Variants in PPARGC1A observed in about 807,000 individuals in gnomAD.
PPARGC1A encodes the protein peroxisome proliferator-activated receptor gamma coactivator 1-alpha.
Under a neutral mutation model 88.7 loss-of-function variants are expected in PPARGC1A, and 25 were observed. That is an observed-to-expected ratio of 0.28 (90% CI 0.21 to 0.39). The LOEUF (loss-of-function observed/expected upper bound fraction) is 0.39. PPARGC1A is among the 10% of genes least tolerant of loss of function. PPARGC1A has a pLI of 1.00. For missense variants in PPARGC1A, 880 were observed against 968.7 expected (o/e 0.91, Z 1.22); for synonymous variants, 363 against 355.6 (o/e 1.02, Z -0.24).
At chr4:24,360,185 A>G in the PPARGC1A span, among the ~76,000 whole-genome samples, 3 of 152,190 alleles carry the variant, frequency 2.0e-5, no homozygotes, top group Non-Finnish European at 4.4e-5. Flanking sequence ...AAGGCTCCTA[A>G]TGGGTCTCCC....
chr4:24,055,752 T>C, the PPARGC1A span, among the ~76,000 whole-genome samples: 1 of 152,214 alleles, frequency 6.6e-6, no homozygotes, highest in Non-Finnish European at 1.5e-5. Flanking sequence ...GGCCCCTGGA[T>C]TTCCCCTGTT....
chr4:23,985,723 G>A, the PPARGC1A span, among the ~76,000 whole-genome samples: 3 of 152,082 alleles, frequency 2.0e-5, no homozygotes, highest in East Asian at 3.9e-4. Context: ...AGAACATTGA[G>A]ATGTTTCTAT....
At chr4:24,330,627 T>C in the PPARGC1A span, among the ~76,000 whole-genome samples, 2 of 152,134 alleles carry the variant, frequency 1.3e-5, no homozygotes, top group African/African-American at 4.8e-5. Flanking sequence ...AACAAATTAG[T>C]ATTTTAAGCC....
the PPARGC1A span, among the ~76,000 whole-genome samples, chr4:24,038,354 A>C: frequency 6.6e-6 from 1 of 152,138 alleles, no homozygotes; most frequent in Non-Finnish European, 1.5e-5. Context: ...GGTGCATTAG[A>C]GTTTACCTAA....
At chr4:23,978,903 T>G in the PPARGC1A span, among the ~76,000 whole-genome samples, 3 of 152,062 alleles carry the variant, frequency 2.0e-5, no homozygotes, top group African/African-American at 4.8e-5. Flanking sequence ...GATAATAGAA[T>G]CACAGAGACA....
At chr4:23,995,153 G>A in the PPARGC1A span, among the ~76,000 whole-genome samples, 1 of 152,126 alleles carries the variant, frequency 6.6e-6, no homozygotes, top group Non-Finnish European at 1.5e-5. Flanking sequence ...CAGACTAATA[G>A]AGTGCCCAAA....
At chr4:23,825,900 C>A (rs1285859928) in intron 5 of PPARGC1A, among the ~76,000 whole-genome samples, 1 of 151,948 alleles carries the variant, frequency 6.6e-6, no homozygotes, top group African/African-American at 2.4e-5. Context: ...AAAAAGAATC[C>A]ATTTATGAAG....
chr4:24,358,457 C>T, the PPARGC1A span, among the ~76,000 whole-genome samples: 1 of 152,192 alleles, frequency 6.6e-6, no homozygotes. Context: ...AGCCCATGCT[C>T]CTAAACACTA....
chr4:24,348,029 T>C, the PPARGC1A span, among the ~76,000 whole-genome samples: 3 of 152,218 alleles, frequency 2.0e-5, no homozygotes, highest in Non-Finnish European at 4.4e-5. Context: ...AGCATGTGTT[T>C]GTCTGAAAAC....
At chr4:24,344,796 G>T in the PPARGC1A span, among the ~76,000 whole-genome samples, 1 of 152,008 alleles carries the variant, frequency 6.6e-6, no homozygotes, top group Non-Finnish European at 1.5e-5. Flanking sequence ...TGTTGCATTT[G>T]CTTTTGGGTT....
the PPARGC1A span, among the ~76,000 whole-genome samples, chr4:23,999,031 T>G: frequency 6.6e-6 from 1 of 152,238 alleles, no homozygotes; most frequent in Admixed American, 6.5e-5. Flanking sequence ...AAGAGGAATC[T>G]GTGATAACAA....
the PPARGC1A span, among the ~76,000 whole-genome samples, chr4:24,180,695 C>A: frequency 2.1e-4 from 32 of 152,238 alleles, 1 homozygote; most frequent in South Asian, 2.5e-3. Context: ...GAATAAGCAA[C>A]TTGAGGTTGG....
the PPARGC1A span, among the ~76,000 whole-genome samples, chr4:24,308,934 A>G: frequency 6.6e-6 from 1 of 152,184 alleles, no homozygotes; most frequent in African/African-American, 2.4e-5. Flanking sequence ...CTGCCATATC[A>G]GTGATTTTTT....
upstream of PPARGC1A, among the ~76,000 whole-genome samples, chr4:23,906,607 C>T (rs372923101): frequency 1.6e-5 from 1 of 63,728 alleles, no homozygotes; most frequent in Admixed American, 1.7e-4. Flanking sequence ...CTCTGTCTCA[C>T]AAAAAAAAAA....
chr4:23,907,514 T>C (rs977407879), upstream of PPARGC1A, among the ~76,000 whole-genome samples: 1 of 152,188 alleles, frequency 6.6e-6, no homozygotes, highest in Admixed American at 6.5e-5. Flanking sequence ...GACACAAACC[T>C]GAGTGTGAAG....
the PPARGC1A span, among the ~76,000 whole-genome samples, chr4:24,098,610 T>C: frequency 6.6e-6 from 1 of 152,208 alleles, no homozygotes; most frequent in South Asian, 2.1e-4. Context: ...CTTATATCGC[T>C]TAAGTGAGAA....
At chr4:24,178,492 T>C in the PPARGC1A span, among the ~76,000 whole-genome samples, 6 of 152,202 alleles carry the variant, frequency 3.9e-5, no homozygotes, top group Non-Finnish European at 8.8e-5. Context: ...TCTGAAGACC[T>C]GTATTTATTT....
chr4:24,378,726 G>T, the PPARGC1A span, among the ~76,000 whole-genome samples: 1 of 152,086 alleles, frequency 6.6e-6, no homozygotes, highest in Non-Finnish European at 1.5e-5. Context: ...TTACATAATA[G>T]CTTTCATCTT....
the PPARGC1A span, among the ~76,000 whole-genome samples, chr4:24,050,100 T>C: frequency 6.6e-6 from 1 of 152,128 alleles, no homozygotes; most frequent in Non-Finnish European, 1.5e-5. Flanking sequence ...TGTTGGCTTT[T>C]TAAGAACACT....
Sources: gnomAD v4.1 joint callset for allele counts (sites outside exome capture counted in the v4.1 genomes callset) on GRCh38, gnomAD v4.1.1 for gene constraint, MANE v1.5 for transcripts, NCBI Gene and HGNC (gene_info 2026-07-23, HGNC 2026-07-21) for gene names.